The following TRMT10B variants were observed in gnomAD, a reference collection of about 807,000 sequenced individuals.
The protein encoded by TRMT10B is tRNA methyltransferase 10B, also known as tRNA methyltransferase 10 homolog B.
A neutral mutation model predicts 43.8 loss-of-function variants in TRMT10B; 33 were observed. The ratio of observed to expected loss-of-function variants is 0.75; its 90% CI spans 0.57 to 1.01. TRMT10B has a LOEUF of 1.01. Ranked by LOEUF, TRMT10B falls within the 50% of genes least tolerant of loss-of-function variation. The pLI, the probability that TRMT10B is intolerant of heterozygous loss-of-function variation, is 0.00. For missense variants in TRMT10B, 362 were observed against 369.8 expected (o/e 0.98, Z 0.17); for synonymous variants, 137 against 130.6 (o/e 1.05, Z -0.34).
chr9:37,753,005 A>AACACTCGCCGTG (rs1162488828), upstream of TRMT10B, among the ~76,000 whole-genome samples: 2 of 152,244 alleles, frequency 1.3e-5, no homozygotes, highest in East Asian at 3.9e-4. Flanking sequence ...TGTGAGCTAT[A>AACACTCGCCGTG]ACACTCGCCG....
At chr9:37,776,747 AAATC>A (rs1261672950) in intron 8 of TRMT10B, among the ~76,000 whole-genome samples, 1 of 151,834 alleles carries the variant, frequency 6.6e-6, no homozygotes, top group Non-Finnish European at 1.5e-5. Flanking sequence ...TAAAATACAA[AAATC>A]AGTCAGGCGT....
chr9:37,771,020 T>C (rs558862542), intron 7 of TRMT10B, among the ~76,000 whole-genome samples: 36 of 152,358 alleles, frequency 2.4e-4, no homozygotes, highest in African/African-American at 7.9e-4. Flanking sequence ...AACTCTGATA[T>C]TGACCAAGTA....
chr9:37,773,066 TGAA>T (rs1827755258), intron 7 of TRMT10B, among the ~76,000 whole-genome samples: 1 of 152,214 alleles, frequency 6.6e-6, no homozygotes, highest in African/African-American at 2.4e-5. Context: ...AAGTATTTAG[TGAA>T]GAAGTATTGT....
chr9:37,753,376 A>G (rs183625710), upstream of TRMT10B, among the ~76,000 whole-genome samples: 35 of 152,328 alleles, frequency 2.3e-4, no homozygotes, highest in African/African-American at 7.5e-4. Flanking sequence ...GATGGGATAT[A>G]ATATCAGTGC....
chr9:37,753,347 G>A (rs886816327), upstream of TRMT10B, among the ~76,000 whole-genome samples: 9 of 152,204 alleles, frequency 5.9e-5, no homozygotes, highest in Non-Finnish European at 1.3e-4. Context: ...AGTCCCCGTT[G>A]GGCCTAAACT....
intron 7 of TRMT10B, among the ~76,000 whole-genome samples, chr9:37,774,634 T>C (rs867286096): frequency 2.0e-5 from 3 of 152,248 alleles, no homozygotes; most frequent in South Asian, 2.1e-4. Context: ...ATAAGACTTT[T>C]TATAAAACAA....
rs1828453617 is a variant in TRMT10B at position 37,778,859 on chromosome 9, T to C, written c.*1152T>C. The stretch of plus-strand genomic sequence containing the variant: ...GGCTTCTCTTCCTAATCCTTCCTAA[T>C]GGTAGGATCCTAACAGGACAAATCT... On this transcript the variant is annotated 3_prime_UTR_variant, in exon 9 of 9. Transcript: ENST00000297994. 1 of 152,164 alleles carries C rather than the reference T, an allele frequency of 6.6e-6. No homozygotes were observed. Among genetic ancestry groups the C allele is most frequent in the African/African-American group, 2.4e-5 (1 of 41,426 alleles). The allele number at this position is 152,164 out of a possible 1,614,324, so 9.4% of individuals were successfully genotyped here. A position where few individuals can be genotyped will look rare whatever the true frequency, so the allele number is the denominator to read the frequency against.
chr9:37,770,767 T>C, intron 7 of TRMT10B, 28 bp downstream of exon 7: 7 of 1,611,358 alleles, frequency 4.3e-6, no homozygotes, highest in Non-Finnish European at 5.9e-6. Flanking sequence ...CCCCAACATC[T>C]GTTTTAAAAA....
At chr9:37,756,527 G>A (rs1187796698) in intron 1 of TRMT10B, among the ~76,000 whole-genome samples, 1 of 151,900 alleles carries the variant, frequency 6.6e-6, no homozygotes, top group African/African-American at 2.4e-5. Flanking sequence ...CCAACTTGGT[G>A]AAACCTGATC....
At chr9:37,769,265 G>A (rs1589034140) in intron 5 of TRMT10B, among the ~76,000 whole-genome samples, 2 of 130,342 alleles carry the variant, frequency 1.5e-5, no homozygotes, top group Middle Eastern at 9.7e-3. Flanking sequence ...CTTAGATTAT[G>A]CCACGGCACT....
Position 37,778,473 on chromosome 9 carries a change from C to A in TRMT10B, c.*766C>A, listed in dbSNP as rs1564010260. On this transcript the variant is annotated 3_prime_UTR_variant, in exon 9 of 9. Transcript: ENST00000297994. ...GAGGTTGTAGTGAGCCAAGATCCAG[C>A]CTGGGCGACAGAGCCAGACTCTTGT... The A allele has an allele frequency of 6.6e-6, 1 of 151,800 alleles. No homozygotes were observed. The highest frequency in any genetic ancestry group is 1.5e-5 in the Non-Finnish European group (1 of 68,014). The allele number at this position is 151,800 out of a possible 1,614,324, so 9.4% of individuals were successfully genotyped here.
rs11306620 is a variant in TRMT10B at position 37,777,194 on chromosome 9, C to CAAAAAA, written c.845-374_845-369dup. ...GAGCAACAAGAGTGCAACTCCGCCTCAAAAAAAAAAAAAAAAAAAAAAAAA... is the reference window on the plus strand; with the variant it reads ...GAGCAACAAGAGTGCAACTCCGCCTCAAAAAAAAAAAAAAAAAAAAAAAAAAAAAAA... On this transcript the variant is annotated intron_variant, in intron 8 of 8. Transcript: ENST00000297994. Among the ~76,000 whole-genome samples, 16 of 29,984 alleles carry CAAAAAA rather than the reference C, an allele frequency of 5.3e-4. 1 individual carries two copies. The highest frequency in any genetic ancestry group is 1.5e-3 in the African/African-American group (11 of 7,102). 19.7% of individuals were successfully genotyped at this position (29,984 alleles called of 152,430 possible). A position where few individuals can be genotyped will look rare whatever the true frequency, so the allele number is the denominator to read the frequency against.
intron 1 of TRMT10B, among the ~76,000 whole-genome samples, chr9:37,757,506 GAAAT>G (rs904105667): frequency 6.6e-6 from 1 of 152,148 alleles, no homozygotes; most frequent in African/African-American, 2.4e-5. Context: ...TTTCTAAGCA[GAAAT>G]AAACTTTAGC....
rs542403609 is a variant in TRMT10B, at chr9:37,764,193, G to A, written c.420+440G>A. Among the ~76,000 whole-genome samples the A allele has an allele frequency of 2.0e-5, 3 of 152,172 alleles. No individual in the cohort carries two copies. In the South Asian group the frequency reaches 6.2e-4, roughly 32 times the overall value. Reference sequence around the variant, plus strand: ...GATGGAGTCTTGCTTTTGTCACCTAGGCTGGAGTACAATGGCAAAATCTCA... The same window carrying A: ...GATGGAGTCTTGCTTTTGTCACCTAAGCTGGAGTACAATGGCAAAATCTCA... On this transcript the variant is annotated intron_variant, in intron 4 of 8. Coordinates refer to ENST00000297994, the MANE Select transcript of TRMT10B (RefSeq NM_144964.4).
intron 6 of TRMT10B, 24 bp downstream of exon 6, chr9:37,770,043 C>A: frequency 6.3e-7 from 1 of 1,579,566 alleles, no homozygotes; most frequent in Non-Finnish European, 8.7e-7. Context: ...TGCATGGATT[C>A]GTATAGCCCA....
At chr9:37,772,508 T>C (rs1827699378) in intron 7 of TRMT10B, among the ~76,000 whole-genome samples, 1 of 152,174 alleles carries the variant, frequency 6.6e-6, no homozygotes, top group South Asian at 2.1e-4. Flanking sequence ...CTTGAATTCT[T>C]GGACTCAAGC....
At chr9:37,769,661 G>C (rs1460762973) in intron 5 of TRMT10B, 2 of 307,580 alleles carry the variant, frequency 6.5e-6, no homozygotes, top group Non-Finnish European at 1.2e-5. Context: ...GCAGTGGCAT[G>C]ATCTTGGCTC....
At chr9:37,765,368 GAT>G (rs1826876662) in intron 4 of TRMT10B, among the ~76,000 whole-genome samples, 1 of 152,020 alleles carries the variant, frequency 6.6e-6, no homozygotes, top group South Asian at 2.1e-4. Context: ...TTGTCCTTGT[GAT>G]AGTTTGCTGA....
chr9:37,756,725 G>GATATATAT (rs140692484), intron 1 of TRMT10B, among the ~76,000 whole-genome samples: 61 of 147,192 alleles, frequency 4.1e-4, no homozygotes, highest in South Asian at 8.7e-4. Context: ...ATCTCAAAAA[G>GATATATAT]ATATATATAT....
Sources: allele counts gnomAD v4.1 joint callset (sites outside exome capture counted in the v4.1 genomes callset), GRCh38; gene constraint gnomAD v4.1.1; transcripts MANE v1.5; gene names NCBI Gene and HGNC (gene_info 2026-07-23, HGNC 2026-07-21).